STARD13: variants seen among roughly 807,000 people sequenced by gnomAD.
STARD13 encodes the protein stAR-related lipid transfer protein 13.
A neutral mutation model predicts 106.4 loss-of-function variants in STARD13; 62 were observed. The observed-to-expected ratio is 0.58, with a 90% CI of 0.48 to 0.72. STARD13 has a LOEUF of 0.72. STARD13 is among the 30% of genes least tolerant of loss of function. The pLI, the probability that STARD13 is intolerant of heterozygous loss-of-function variation, is 0.00. For synonymous variants in STARD13, 565 were observed against 553.0 expected, an observed-to-expected ratio of 1.02 and a Z score of -0.31; for missense variants, 1,387 against 1,424.0, an observed-to-expected ratio of 0.97 and a Z score of 0.42.
upstream of STARD13, among the ~76,000 whole-genome samples, chr13:33,287,474 G>C (rs116615178): frequency 0.02 from 3,054 of 152,274 alleles, 115 homozygotes; most frequent in African/African-American, 0.069. Context: ...GGGAAAGAAA[G>C]ATCTATGGGG....
At chr13:33,239,038 C>A (rs150693140) in intron 1 of STARD13, among the ~76,000 whole-genome samples, 97 of 151,850 alleles carry the variant, frequency 6.4e-4, no homozygotes, top group African/African-American at 2.1e-3. Flanking sequence ...ATTTCCCCCT[C>A]CCCCCCAGCC....
the STARD13 span, among the ~76,000 whole-genome samples, chr13:33,528,629 C>T: frequency 6.6e-6 from 1 of 151,964 alleles, no homozygotes; most frequent in Non-Finnish European, 1.5e-5. Context: ...AATCTCAGAT[C>T]TTCCTATAAC....
At chr13:33,306,895 C>T (rs190508991) in intron 1 of STARD13, among the ~76,000 whole-genome samples, 28 of 151,758 alleles carry the variant, frequency 1.8e-4, no homozygotes, top group Middle Eastern at 3.4e-3. Context: ...GGTTGTAGTG[C>T]GCCAAGATTG....
At chr13:33,654,793 T>A in the STARD13 span, 1 of 152,244 alleles carries the variant, frequency 6.6e-6, no homozygotes, top group Non-Finnish European at 1.5e-5. Context: ...TGGAAATACT[T>A]CTGTCTGATT....
At chr13:33,394,280 G>A in the STARD13 span, among the ~76,000 whole-genome samples, 8 of 151,598 alleles carry the variant, frequency 5.3e-5, no homozygotes, top group South Asian at 1.7e-3. Flanking sequence ...GAAAATTCCA[G>A]AATTGCACTG....
chr13:33,488,486 G>A, the STARD13 span, among the ~76,000 whole-genome samples: 1 of 151,926 alleles, frequency 6.6e-6, no homozygotes, highest in Non-Finnish European at 1.5e-5. Context: ...TCCAATATCT[G>A]GCTCTTTCCT....
the STARD13 span, among the ~76,000 whole-genome samples, chr13:33,674,426 C>A: frequency 2.0e-5 from 3 of 152,162 alleles, no homozygotes; most frequent in Non-Finnish European, 2.9e-5. Flanking sequence ...AGACAAATGA[C>A]ATATTCTTTA....
chr13:33,553,311 TACAACTC>T, the STARD13 span, among the ~76,000 whole-genome samples: 50 of 152,194 alleles, frequency 3.3e-4, no homozygotes, highest in Non-Finnish European at 5.7e-4. Flanking sequence ...TTGTTTAACT[TACAACTC>T]AGAAGTAGGC....
the STARD13 span, among the ~76,000 whole-genome samples, chr13:33,673,462 T>C: frequency 6.6e-6 from 1 of 151,898 alleles, no homozygotes; most frequent in African/African-American, 2.4e-5. Flanking sequence ...AGTTACACCT[T>C]ACATGATTTT....
chr13:33,545,630 G>A, the STARD13 span, among the ~76,000 whole-genome samples: 2 of 152,180 alleles, frequency 1.3e-5, no homozygotes, highest in Admixed American at 6.5e-5. Context: ...CAGACATGGG[G>A]GTGGATCCCT....
At chr13:33,176,541 T>G (rs1348429590) in intron 1 of STARD13, among the ~76,000 whole-genome samples, 1 of 152,230 alleles carries the variant, frequency 6.6e-6, no homozygotes, top group Non-Finnish European at 1.5e-5. Flanking sequence ...CTTAAAAGTC[T>G]GCTCTCTAAG....
chr13:33,499,597 CTT>C, the STARD13 span, among the ~76,000 whole-genome samples: 99 of 59,510 alleles, frequency 1.7e-3, 5 homozygotes, highest in African/African-American at 5.2e-3. Context: ...TCTTCTTCTT[CTT>C]CTTCTTTCTT....
the STARD13 span, among the ~76,000 whole-genome samples, chr13:33,594,877 A>G: frequency 3.3e-5 from 5 of 152,164 alleles, no homozygotes; most frequent in Admixed American, 6.5e-5. Flanking sequence ...ACTTGACTGT[A>G]TGTGTATACT....
At chr13:33,283,449 C>A (rs1215173922) in intron 1 of STARD13, among the ~76,000 whole-genome samples, 2 of 152,182 alleles carry the variant, frequency 1.3e-5, no homozygotes, top group Non-Finnish European at 2.9e-5. Context: ...AAATTAACTA[C>A]AATGATTTTG....
intron 1 of STARD13, among the ~76,000 whole-genome samples, chr13:33,226,866 A>G (rs1217503698): frequency 6.6e-6 from 1 of 152,202 alleles, no homozygotes; most frequent in Non-Finnish European, 1.5e-5. Flanking sequence ...TCATACTATA[A>G]AACATCTATC....
At chr13:33,387,120 T>C in the STARD13 span, among the ~76,000 whole-genome samples, 1 of 152,170 alleles carries the variant, frequency 6.6e-6, no homozygotes, top group Non-Finnish European at 1.5e-5. Flanking sequence ...ATACTCCCAC[T>C]TCAGCCTCTC....
chr13:33,521,402 G>C, the STARD13 span, among the ~76,000 whole-genome samples: 1 of 152,090 alleles, frequency 6.6e-6, no homozygotes, highest in Non-Finnish European at 1.5e-5. Flanking sequence ...AGAATTAGAA[G>C]TGAGTTGACT....
chr13:33,530,065 G>A, the STARD13 span, among the ~76,000 whole-genome samples: 3 of 151,218 alleles, frequency 2.0e-5, no homozygotes, highest in Admixed American at 6.6e-5. Flanking sequence ...CATAATAATT[G>A]CTGGTATCCC....
chr13:33,528,976 T>C, the STARD13 span, among the ~76,000 whole-genome samples: 1 of 152,194 alleles, frequency 6.6e-6, no homozygotes, highest in Non-Finnish European at 1.5e-5. Context: ...TTGGAATAAA[T>C]GGGGATACTA....
Sources: allele counts gnomAD v4.1 joint callset (sites outside exome capture counted in the v4.1 genomes callset), GRCh38; gene constraint gnomAD v4.1.1; transcripts MANE v1.5; gene names NCBI Gene and HGNC (gene_info 2026-07-23, HGNC 2026-07-21).